SPATA16: variants seen among roughly 807,000 people sequenced by gnomAD.
SPATA16 encodes spermatogenesis-associated protein 16.
In SPATA16, 36 loss-of-function variants were observed where a neutral mutation model predicts 63.3. The observed-to-expected ratio is 0.57, with a 90% confidence interval of 0.44 to 0.75. The LOEUF is 0.75. Ranked by LOEUF, SPATA16 falls within the 30% of genes least tolerant of loss-of-function variation. The pLI is 0.00. For missense variants in SPATA16, 646 were observed against 679.3 expected (o/e 0.95, Z 0.54); for synonymous variants, 203 against 216.7 (o/e 0.94, Z 0.56).
chr3:173,115,729 T>C (rs1471505402), intron 2 of SPATA16, among the ~76,000 whole-genome samples: 3 of 152,172 alleles, frequency 2.0e-5, no homozygotes, highest in South Asian at 4.1e-4. Context: ...CATTGTCTGG[T>C]ATCATCTATT....
chr3:172,972,033 C>G (rs930075351), intron 5 of SPATA16, among the ~76,000 whole-genome samples: 2 of 152,178 alleles, frequency 1.3e-5, no homozygotes, highest in African/African-American at 2.4e-5. Flanking sequence ...TCTCTCAGTT[C>G]AGCCAGCTCC....
chr3:173,010,555 G>A (rs991643567), intron 4 of SPATA16, among the ~76,000 whole-genome samples: 2 of 151,904 alleles, frequency 1.3e-5, no homozygotes, highest in Non-Finnish European at 2.9e-5. Flanking sequence ...TACCCCTGCT[G>A]CCCCCAGGCT....
chr3:173,135,409 C>T (rs1220793011), intron 1 of SPATA16, among the ~76,000 whole-genome samples: 3 of 152,190 alleles, frequency 2.0e-5, no homozygotes, highest in African/African-American at 7.2e-5. Flanking sequence ...GCAGCATCTG[C>T]TTCCTCCTAT....
intron 2 of SPATA16, among the ~76,000 whole-genome samples, chr3:173,092,342 G>T (rs1343609824): frequency 6.6e-6 from 1 of 152,170 alleles, no homozygotes; most frequent in Admixed American, 6.6e-5. Context: ...AGAGGCTGTG[G>T]TAGGCAGAAT....
intron 2 of SPATA16, among the ~76,000 whole-genome samples, chr3:173,074,680 T>C (rs7614539): frequency 0.18 from 28,069 of 151,838 alleles, 2,941 homozygotes; most frequent in African/African-American, 0.29. Flanking sequence ...AACGGACTAA[T>C]ACAGATGGCA....
intron 3 of SPATA16, among the ~76,000 whole-genome samples, chr3:173,028,634 A>G (rs185113010): frequency 2.6e-5 from 4 of 152,200 alleles, no homozygotes; most frequent in East Asian, 3.9e-4. Flanking sequence ...AAAGATAATC[A>G]TGGCTTGAGT....
chr3:173,067,011 A>G (rs768784987), intron 2 of SPATA16, among the ~76,000 whole-genome samples: 31 of 138,756 alleles, frequency 2.2e-4, no homozygotes, highest in Non-Finnish European at 4.1e-4. Context: ...GAAAAATTCA[A>G]TTGACAAACT....
At chr3:173,130,560 A>G (rs1033194321) in intron 1 of SPATA16, among the ~76,000 whole-genome samples, 4 of 152,112 alleles carry the variant, frequency 2.6e-5, no homozygotes, top group Non-Finnish European at 5.9e-5. Flanking sequence ...AGATTTTTCC[A>G]TATGATTTGC....
intron 2 of SPATA16, among the ~76,000 whole-genome samples, chr3:173,089,932 A>G (rs910440722): frequency 5.9e-4 from 90 of 152,300 alleles, no homozygotes; most frequent in Middle Eastern, 3.4e-3. Context: ...TTATAATCAC[A>G]CTTCTTGTTT....
rs77238287 is a variant in SPATA16 at position 172,958,787 on chromosome 3, G to A, written c.934-1963C>T. On this transcript the variant is annotated intron_variant, in intron 5 of 10. Transcript: ENST00000351008. ...GTCATTCCTCTTTGTGTGTGTGCAC[G>A]CACGTGTGTGTGTGTGTTCTAATTT... Among the ~76,000 whole-genome samples, 5 of 151,948 alleles carry A rather than the reference G, an allele frequency of 3.3e-5. No individual in the cohort carries two copies. In the South Asian group the frequency reaches 6.2e-4, roughly 19 times the overall value.
rs118171355 is a variant in SPATA16 at position 173,070,511 on chromosome 3, G to A, written c.613-21417C>T. On this transcript the variant is annotated intron_variant, in intron 2 of 10. Transcript: ENST00000351008. The stretch of plus-strand genomic sequence containing the variant: ...GAACAAAGGGCATCCAAATTAGAAA[G>A]GAAGAAATCAAACTAGCCTTAGTTG... Among the ~76,000 whole-genome samples, 175 of 151,994 alleles carry A rather than the reference G, an allele frequency of 1.2e-3. 2 individuals carry two copies. In the East Asian group the frequency reaches 0.033, roughly 29 times the overall value.
chr3:173,033,941 G>A (rs536131015), intron 3 of SPATA16, among the ~76,000 whole-genome samples: 6 of 152,254 alleles, frequency 3.9e-5, no homozygotes, highest in Admixed American at 2.6e-4. Context: ...CTGATCTCAA[G>A]TGATCTGTCT....
intron 6 of SPATA16, among the ~76,000 whole-genome samples, chr3:172,954,905 G>A (rs12636168): frequency 0.083 from 12,661 of 152,100 alleles, 721 homozygotes; most frequent in East Asian, 0.15. Flanking sequence ...TCTACCTCAC[G>A]TTCCTCCTCC....
At chr3:172,948,271 G>A (rs78181110) in intron 6 of SPATA16, among the ~76,000 whole-genome samples, 13,278 of 152,042 alleles carry the variant, frequency 0.087, 1,906 homozygotes, top group African/African-American at 0.3. Flanking sequence ...CCTCCGATAC[G>A]TCTGGCAGCC....
intron 5 of SPATA16, among the ~76,000 whole-genome samples, chr3:172,975,291 G>A (rs1357212762): frequency 6.6e-6 from 1 of 152,064 alleles, no homozygotes; most frequent in Non-Finnish European, 1.5e-5. Flanking sequence ...CTTTGTCTTA[G>A]GTTATGCTGA....
chr3:173,099,850 C>T (rs1392900937), intron 2 of SPATA16, among the ~76,000 whole-genome samples: 1 of 152,148 alleles, frequency 6.6e-6, no homozygotes, highest in Non-Finnish European at 1.5e-5. Flanking sequence ...TCACAGGCAC[C>T]TACGCCCCTC....
intron 6 of SPATA16, among the ~76,000 whole-genome samples, chr3:172,956,252 A>G (rs1349911641): frequency 6.6e-6 from 1 of 152,136 alleles, no homozygotes; most frequent in East Asian, 1.9e-4. Flanking sequence ...ATTCAAGAGC[A>G]TAAGGAAAGA....
At chr3:172,992,644 TC>T (rs1353616719) in intron 4 of SPATA16, among the ~76,000 whole-genome samples, 5 of 152,128 alleles carry the variant, frequency 3.3e-5, no homozygotes, top group African/African-American at 1.2e-4. Flanking sequence ...ATCCACTTGA[TC>T]CTGGGTAGAA....
intron 8 of SPATA16, among the ~76,000 whole-genome samples, chr3:172,922,526 A>T (rs1732634760): frequency 6.6e-6 from 1 of 152,252 alleles, no homozygotes. Flanking sequence ...CATAATGCCC[A>T]GTAAGGCCCA....
Sources: gnomAD v4.1 joint callset for allele counts (sites outside exome capture counted in the v4.1 genomes callset) on GRCh38, gnomAD v4.1.1 for gene constraint, MANE v1.5 for transcripts, NCBI Gene and HGNC (gene_info 2026-07-23, HGNC 2026-07-21) for gene names.